The following NAALADL2 variants were observed in gnomAD, a reference collection of about 807,000 sequenced individuals.
The protein encoded by NAALADL2 is inactive N-acetylated-alpha-linked acidic dipeptidase-like protein 2.
Under a neutral mutation model 87.2 loss-of-function variants are expected in NAALADL2, and 76 were observed. The ratio of observed to expected loss-of-function variants is 0.87; its 90% CI spans 0.72 to 1.05. The LOEUF is 1.05. Among genes scored for constraint, NAALADL2 ranks in the 50% least tolerant of loss-of-function variants. The pLI is 0.00. For synonymous variants in NAALADL2, 354 were observed against 331.0 expected (o/e 1.07, Z -0.75); for missense variants, 1,089 against 945.8 (o/e 1.15, Z -1.99).
intron 3 of NAALADL2, among the ~76,000 whole-genome samples, chr3:174,749,717 C>T (rs1050260765): frequency 6.6e-6 from 1 of 152,128 alleles, no homozygotes; most frequent in Non-Finnish European, 1.5e-5. Flanking sequence ...GTGCTAAAAT[C>T]TGGACAATGC....
intron 2 of NAALADL2, among the ~76,000 whole-genome samples, chr3:174,565,173 T>C (rs1156950264): frequency 6.6e-6 from 1 of 152,092 alleles, no homozygotes; most frequent in Non-Finnish European, 1.5e-5. Context: ...TTCAGTATTA[T>C]TAATCTTAAC....
At chr3:175,019,136 A>G (rs1751237672) in intron 1 of NAALADL2, among the ~76,000 whole-genome samples, 1 of 151,968 alleles carries the variant, frequency 6.6e-6, no homozygotes, top group African/African-American at 2.4e-5. Flanking sequence ...CATACTTTCA[A>G]AATAATTTTT....
chr3:175,491,631 T>C (rs552677096), intron 9 of NAALADL2, among the ~76,000 whole-genome samples: 1 of 152,292 alleles, frequency 6.6e-6, no homozygotes, highest in South Asian at 2.1e-4. Flanking sequence ...GTTATACTTA[T>C]TAGTTGTGGA....
chr3:174,770,112 A>AGAC (rs1320176049), intron 3 of NAALADL2, among the ~76,000 whole-genome samples: 1 of 152,220 alleles, frequency 6.6e-6, no homozygotes, highest in Non-Finnish European at 1.5e-5. Flanking sequence ...TAACTCTTAC[A>AGAC]GACACTCATG....
intron 2 of NAALADL2, among the ~76,000 whole-genome samples, chr3:175,118,257 A>G (rs559953299): frequency 6.6e-6 from 1 of 151,938 alleles, no homozygotes; most frequent in Admixed American, 6.6e-5. Flanking sequence ...TTAAAGTATA[A>G]TAATAATAAT....
In NAALADL2 at chr3:175,352,871, C is replaced by A. The variant is rs145337855; in HGVS notation, c.1090+28546C>A. On this transcript the variant is annotated intron_variant, in intron 5 of 13. Transcript: ENST00000454872. ...TAGAAAAGGAAAAGACAAGAAGAATCTTTCGTCCAACGTGAGCTCTCACAG... is the reference window on the plus strand; with the variant it reads ...TAGAAAAGGAAAAGACAAGAAGAATATTTCGTCCAACGTGAGCTCTCACAG... Among the ~76,000 whole-genome samples the A allele has an allele frequency of 3.6e-3, 553 of 151,852 alleles. 1 individual carries two copies. Among genetic ancestry groups the A allele is most frequent in the African/African-American group, 0.013 (535 of 41,454 alleles).
chr3:175,698,294 C>T (rs1316385218), intron 11 of NAALADL2, among the ~76,000 whole-genome samples: 7 of 75,280 alleles, frequency 9.3e-5, no homozygotes, highest in Non-Finnish European at 1.5e-4. Context: ...TGTATGTATA[C>T]ATATATATGT....
intron 1 of NAALADL2, among the ~76,000 whole-genome samples, chr3:174,932,450 G>A (rs992672874): frequency 6.6e-6 from 1 of 152,036 alleles, no homozygotes; most frequent in Non-Finnish European, 1.5e-5. Context: ...GTCTTTCCGG[G>A]TATAGGAACA....
intron 1 of NAALADL2, among the ~76,000 whole-genome samples, chr3:174,925,436 G>C (rs1293124819): frequency 1.3e-5 from 2 of 152,282 alleles, no homozygotes; most frequent in African/African-American, 4.8e-5. Flanking sequence ...CTATATCTCT[G>C]TTTTGGTACC....
chr3:174,695,385 C>G lies in NAALADL2; in HGVS notation c.-114-42256C>G, dbSNP rs554473326. On this transcript the variant is annotated intron_variant, in intron 2 of 3. Transcript: ENST00000434257. The stretch of plus-strand genomic sequence containing the variant: ...GTACAGGAGTTCAGATTCTTTCATT[C>G]TCATCTTTCTCCTGAACCATAGACA... 3.9e-5 allele frequency among the ~76,000 whole-genome samples: 6 copies of G among 152,088 alleles called. No homozygotes were observed. In the South Asian group the frequency reaches 1.2e-3, roughly 32 times the overall value.
In NAALADL2 at chr3:174,584,075, A is replaced by G. The variant is rs1345769099; in HGVS notation, c.-115+33438A>G. Among the ~76,000 whole-genome samples, 3 of 152,208 alleles carry G rather than the reference A, an allele frequency of 2.0e-5. No individual in the cohort carries two copies. In the East Asian group the frequency reaches 5.8e-4, roughly 29 times the overall value. On this transcript the variant is annotated intron_variant, in intron 2 of 3. Coordinates refer to the NAALADL2 transcript ENST00000434257. ...CTTTATCTGATAAATTAATAGGCAC[A>G]ATTACTGTCAGCTGGATGCTAACAG...
chr3:175,338,195 G>C (rs186886503), intron 5 of NAALADL2, among the ~76,000 whole-genome samples: 9 of 152,218 alleles, frequency 5.9e-5, no homozygotes, highest in Admixed American at 5.9e-4. Context: ...AGAGAGAGCT[G>C]GGAGTGAAAT....
At chr3:175,686,310 T>C (rs1736284341) in intron 11 of NAALADL2, among the ~76,000 whole-genome samples, 1 of 152,190 alleles carries the variant, frequency 6.6e-6, no homozygotes, top group Non-Finnish European at 1.5e-5. Context: ...ATGCATTAAT[T>C]CCACATTTAT....
chr3:175,390,159 G>T (rs534690278), intron 5 of NAALADL2, among the ~76,000 whole-genome samples: 50 of 152,028 alleles, frequency 3.3e-4, no homozygotes, highest in African/African-American at 1.2e-3. Flanking sequence ...AGATTTAAAA[G>T]TGTTCAGGTA....
chr3:174,888,397 T>C (rs1579373978), intron 1 of NAALADL2, among the ~76,000 whole-genome samples: 1 of 152,216 alleles, frequency 6.6e-6, no homozygotes, highest in Non-Finnish European at 1.5e-5. Flanking sequence ...CACTTACTAC[T>C]GTAAAAATAG....
intron 2 of NAALADL2, among the ~76,000 whole-genome samples, chr3:175,137,304 A>T (rs913611587): frequency 1.3e-5 from 2 of 152,130 alleles, no homozygotes; most frequent in Non-Finnish European, 2.9e-5. Context: ...TCACCCACAT[A>T]TATTATTTTA....
intron 2 of NAALADL2, among the ~76,000 whole-genome samples, chr3:175,099,970 T>C (rs1243480600): frequency 6.6e-6 from 1 of 151,218 alleles, no homozygotes; most frequent in African/African-American, 2.4e-5. Flanking sequence ...TTTTATCATT[T>C]AGATTTTTCA....
intron 1 of NAALADL2, among the ~76,000 whole-genome samples, chr3:175,054,579 T>C (rs780626036): frequency 1.3e-5 from 2 of 152,212 alleles, no homozygotes; most frequent in African/African-American, 2.4e-5. Flanking sequence ...TAACTAATCC[T>C]CTAAAGCCTA....
At chr3:174,767,512 T>C (rs1184796964) in intron 3 of NAALADL2, among the ~76,000 whole-genome samples, 1 of 152,142 alleles carries the variant, frequency 6.6e-6, no homozygotes, top group East Asian at 1.9e-4. Context: ...TCAAACGTTA[T>C]ATGGTGTCTA....
Sources: allele counts gnomAD v4.1 joint callset (sites outside exome capture counted in the v4.1 genomes callset), GRCh38; gene constraint gnomAD v4.1.1; transcripts MANE v1.5; gene names NCBI Gene and HGNC (gene_info 2026-07-23, HGNC 2026-07-21).